TNKS1BP1: variants seen among roughly 807,000 people sequenced by gnomAD.
TNKS1BP1 encodes the protein CCR4-NOT transcription complex subunit 12.
Under a neutral mutation model 141.1 loss-of-function variants are expected in TNKS1BP1, and 48 were observed. The observed-to-expected ratio is 0.34, with a 90% CI of 0.27 to 0.43. The LOEUF is 0.43. Ranked by LOEUF, TNKS1BP1 falls within the 20% of genes least tolerant of loss-of-function variation. The pLI is 1.00. For missense variants in TNKS1BP1, 2,149 were observed against 2,226.0 expected (o/e 0.97, Z 0.70); for synonymous variants, 875 against 898.2 (o/e 0.97, Z 0.46).
chr11:57,313,125 T>C lies in TNKS1BP1; in HGVS notation c.1563A>G (p.Glu521=), dbSNP rs1855740220. The change falls in exon 5 of 12, where the codon GAA becomes GAG. Residue 521 remains glutamate (E), a synonymous_variant. Coordinates refer to ENST00000358252, the MANE Select transcript of TNKS1BP1 (RefSeq NM_033396.3). ...CTTGCCCCTGCTGAGACACTCCTTCTTCCCTGCTGGAAACGGCCAAGTTGC... is the reference window on the plus strand; with the variant it reads ...CTTGCCCCTGCTGAGACACTCCTTCCTCCCTGCTGGAAACGGCCAAGTTGC... ...EAGNLAVSSR[E]EGVSQQGQGA... is the part of the protein sequence containing the mutation. The C allele has an allele frequency of 1.2e-6, 2 of 1,613,216 alleles. No homozygotes were observed. Among genetic ancestry groups the C allele is most frequent in the Non-Finnish European group, 1.7e-6 (2 of 1,180,018 alleles).
At chr11:57,304,712 A>G (rs1855580306) in intron 6 of TNKS1BP1, among the ~76,000 whole-genome samples, 2 of 151,300 alleles carry the variant, frequency 1.3e-5, no homozygotes, top group Admixed American at 1.3e-4. Flanking sequence ...TCTACTAAAA[A>G]TACAAAAATT....
Position 57,313,073 on chromosome 11 carries a change from C to T in TNKS1BP1, c.1615G>A (p.Gly539Arg), listed in dbSNP as rs752566873. 2 of 1,613,616 alleles carry T rather than the reference C, an allele frequency of 1.2e-6. No individual in the cohort carries two copies. Among genetic ancestry groups the T allele is most frequent in the African/African-American group, 1.3e-5 (1 of 74,954 alleles). ...TCATCCCCCTGCACCCAGGAACTTC[C>T]TGACCCACTTGGAGCTGACCCAGCC... ...QGAGSAPSGSGSSWVQGDDPS... is the reference protein window; with the variant it reads ...QGAGSAPSGSRSSWVQGDDPS... The change falls in exon 5 of 12, where the codon GGA (glycine) becomes AGA (arginine). Residue 539 changes from glycine to arginine, a missense_variant. By Grantham distance (125) the Gly-to-Arg change is moderately radical (BLOSUM62 -2). Transcript: ENST00000358252.
At chr11:57,322,041 GA>G in intron 1 of TNKS1BP1, 91 bp from the exon 2 acceptor site, 1 of 837,894 alleles carries the variant, frequency 1.2e-6, no homozygotes, top group South Asian at 1.9e-5. Context: ...AACAGAGGCA[GA>G]GTGTGGGACA....
In TNKS1BP1 at chr11:57,312,715, G is replaced by C; in HGVS notation, c.1973C>G (p.Thr658Ser). ...EEAVTLARAE[T>S]TQARTEAQDL... ...TTGAGCCTCTGTCCTGGCTTGGGTG[G>C]TCTCAGCCCGGGCTAGGGTCACGGC... Residue 658 changes from threonine to serine, a missense_variant, in exon 5 of 12, where the codon ACC becomes AGC. Physicochemically the swap from Thr to Ser is moderately conservative, Grantham distance 58 (BLOSUM62 1). Transcript: ENST00000358252. 1 of 1,572,640 alleles carries C rather than the reference G, an allele frequency of 6.4e-7. No homozygotes were observed. The highest frequency in any genetic ancestry group is 8.6e-7 in the Non-Finnish European group (1 of 1,157,982).
At position 57,302,022 on chromosome 11, in the gene TNKS1BP1, G is replaced by A. The variant is rs1855532132; in HGVS notation, c.4834+52C>T. On this transcript the variant is annotated intron_variant, in intron 8 of 11. Transcript: ENST00000358252. This position sits in a 1 kb window ranked among gnomAD's most constrained non-coding sequence, Gnocchi z 5.5. The stretch of plus-strand genomic sequence containing the variant: ...AACCCATAACCCCTGCAAAAGCTTG[G>A]CCTAATGCCCTAGAGATCAAGAGAC... The A allele has an allele frequency of 3.1e-6, 5 of 1,604,496 alleles. No individual in the cohort carries two copies. Among genetic ancestry groups the A allele is most frequent in the Non-Finnish European group, 4.3e-6 (5 of 1,172,286 alleles).
rs966923954 is a variant in TNKS1BP1 at position 57,313,932 on chromosome 11, G to T, written c.799-43C>A. ...GTCAAGATCCGTCACTCACCTCTCA[G>T]CGGGGCGGGGAGGGTCCCCTCCGAC... On this transcript the variant is annotated intron_variant, in intron 4 of 11. Coordinates refer to ENST00000358252, the MANE Select transcript of TNKS1BP1 (RefSeq NM_033396.3). 2.1e-6 allele frequency: 3 copies of T among 1,446,316 alleles called. No individual in the cohort carries two copies. In the African/African-American group the frequency reaches 4.3e-5, roughly 21 times the overall value. The allele number at this position is 1,446,316 out of a possible 1,614,324, so 89.6% of individuals were successfully genotyped here.
rs1412764757 is a variant in TNKS1BP1 at position 57,308,466 on chromosome 11, G to C, written c.4245C>G (p.Ser1415=). 2.5e-6 allele frequency: 4 copies of C among 1,614,178 alleles called. No homozygotes were observed. The highest frequency in any genetic ancestry group is 1.3e-5 in the African/African-American group (1 of 75,026). The change falls in exon 6 of 12, where the codon TCC becomes TCG. Residue 1415 remains serine, a synonymous_variant. Coordinates refer to ENST00000358252, the MANE Select transcript of TNKS1BP1 (RefSeq NM_033396.3). Reference sequence around the variant, plus strand: ...CAGGGTGTGGCTCCAAGGAAGACGAGGAGTAATCTTCACCCTGGGTCTCTG... The same window carrying C: ...CAGGGTGTGGCTCCAAGGAAGACGACGAGTAATCTTCACCCTGGGTCTCTG... ...SGPETQGEDY[S]SSSLEPHPAD... is the part of the protein sequence containing the mutation.
At chr11:57,319,919 G>T in intron 3 of TNKS1BP1, 160 bp downstream of exon 3, 1 of 812,548 alleles carries the variant, frequency 1.2e-6, no homozygotes, top group Non-Finnish European at 1.9e-6. Flanking sequence ...AATGATTTGT[G>T]ACCTAGATCG....
intron 3 of TNKS1BP1, among the ~76,000 whole-genome samples, chr11:57,319,512 C>A (rs1374409339): frequency 1.3e-5 from 2 of 152,138 alleles, no homozygotes; most frequent in Non-Finnish European, 2.9e-5. Flanking sequence ...TGCCTGTAAT[C>A]TCAGCACTTT....
chr11:57,312,499 C>A (rs998663414), intron 5 of TNKS1BP1, 35 bp downstream of exon 5: 1 of 1,427,732 alleles, frequency 7.0e-7, no homozygotes, highest in Middle Eastern at 1.9e-4. Flanking sequence ...GGCCTCTGTC[C>A]CCAGAAGTCC....
chr11:57,321,877 C>A lies in TNKS1BP1; in HGVS notation c.9G>T (p.Val3=). ...TGGCTGAGCTTTCCCTGAGAGTAGA[C>A]ACTTTCATCACATGCGGCAGACCCT... is the stretch of plus-strand genomic sequence containing the variant. The part of the protein sequence containing the change: MK[V]STLRESSAMA... The change falls in exon 2 of 12, where the codon GTG becomes GTT. Residue 3 remains valine, a synonymous_variant. Coordinates refer to ENST00000358252, the MANE Select transcript of TNKS1BP1 (RefSeq NM_033396.3). 1 of 1,614,058 alleles carries A rather than the reference C, an allele frequency of 6.2e-7. No individual in the cohort carries two copies.
At chr11:57,312,498 C>T (rs191681937) in intron 5 of TNKS1BP1, 36 bp downstream of exon 5, 1 of 1,428,906 alleles carries the variant, frequency 7.0e-7, no homozygotes, top group East Asian at 2.5e-5. Flanking sequence ...TGGCCTCTGT[C>T]CCCAGAAGTC....
Position 57,308,998 on chromosome 11 carries a change from A to G in TNKS1BP1, c.3713T>C (p.Leu1238Ser). The G allele has an allele frequency of 6.2e-7, 1 of 1,614,066 alleles. No homozygotes were observed. The highest frequency in any genetic ancestry group is 8.5e-7 in the Non-Finnish European group (1 of 1,179,980). ...TSDVNVKSKD[L>S]AEVGEGGGHS... Reference sequence around the variant, plus strand: ...GCCTCCTCCCTCCCCGACCTCAGCCAAATCTTTGCTCTTCACATTAACATC... The same window carrying G: ...GCCTCCTCCCTCCCCGACCTCAGCCGAATCTTTGCTCTTCACATTAACATC... The change falls in exon 6 of 12, where the codon TTG (leucine) becomes TCG (serine). Residue 1238 changes from leucine (L) to serine (S), a missense_variant. Leu to Ser is a moderately radical substitution (Grantham distance 145, BLOSUM62 -2). Coordinates refer to ENST00000358252, the MANE Select transcript of TNKS1BP1 (RefSeq NM_033396.3).
At position 57,301,036 on chromosome 11, in the gene TNKS1BP1, C is replaced by T; in HGVS notation, c.4977G>A (p.Lys1659=). Residue 1659 remains lysine, a synonymous_variant, in exon 10 of 12, where the codon AAG becomes AAA. Coordinates refer to ENST00000358252, the MANE Select transcript of TNKS1BP1 (RefSeq NM_033396.3). ...PGLSPSALKA[K]LRPRNRSAEE... ...CAGCTGAGCGATTCCGGGGGCGCAG[C>T]TTGGCCTGAGAAGCAAGTCCAGAAG... The T allele has an allele frequency of 6.2e-7, 1 of 1,609,852 alleles. No individual in the cohort carries two copies. Among genetic ancestry groups the T allele is most frequent in the Non-Finnish European group, 8.5e-7 (1 of 1,177,464 alleles).
chr11:57,324,143 G>C (rs1306629677), intron 1 of TNKS1BP1, among the ~76,000 whole-genome samples: 5 of 152,266 alleles, frequency 3.3e-5, no homozygotes, highest in African/African-American at 1.2e-4. Context: ...TCCAGCCCCG[G>C]AGGGGACTCG....
chr11:57,320,026 C>T (rs2134373566), intron 3 of TNKS1BP1, 53 bp downstream of exon 3: 1 of 1,485,506 alleles, frequency 6.7e-7, no homozygotes, highest in Non-Finnish European at 9.2e-7. Context: ...CACCCAATCC[C>T]ACCCCACCTG....
rs1022069747 is a variant in TNKS1BP1, at chr11:57,302,849, C to T, written c.4317-24G>A. The T allele has an allele frequency of 1.3e-5, 20 of 1,494,204 alleles. No individual in the cohort carries two copies. Among genetic ancestry groups the T allele is most frequent in the Middle Eastern group, 1.8e-4 (1 of 5,652 alleles). 92.6% of individuals were successfully genotyped at this position (1,494,204 alleles called of 1,614,324 possible). On this transcript the variant is annotated intron_variant, in intron 6 of 11. Transcript: ENST00000358252. This position sits in a 1 kb window ranked among gnomAD's most constrained non-coding sequence, Gnocchi z 5.5. Reference sequence around the variant, plus strand: ...GGCTGTAAAGGGGACAGAGAGAGAACGAGATCATCGTAAGGCCCCATCTCC... The same window carrying T: ...GGCTGTAAAGGGGACAGAGAGAGAATGAGATCATCGTAAGGCCCCATCTCC...
chr11:57,313,951 C>G, intron 4 of TNKS1BP1, 62 bp from the exon 5 acceptor site: 1 of 1,414,152 alleles, frequency 7.1e-7, no homozygotes, highest in Non-Finnish European at 9.2e-7. Context: ...GGAGGGTCCC[C>G]TCCGACCCCA....
chr11:57,306,139 G>C (rs183534916), intron 6 of TNKS1BP1, among the ~76,000 whole-genome samples: 1 of 152,118 alleles, frequency 6.6e-6, no homozygotes, highest in Admixed American at 6.5e-5. Flanking sequence ...TTAGCCGGGC[G>C]TGGTGATGTG....
Sources: gnomAD v4.1 joint callset for allele counts (sites outside exome capture counted in the v4.1 genomes callset) on GRCh38, gnomAD v4.1.1 for gene constraint, Gnocchi (gnomAD v3.1) non-coding constraint, MANE v1.5 for transcripts, NCBI Gene and HGNC (gene_info 2026-07-23, HGNC 2026-07-21) for gene names.